ATP11C: variants seen among roughly 807,000 people sequenced by gnomAD.
The protein encoded by ATP11C is ATPase phospholipid transporting 11C (ATP11C blood group).
In ATP11C, 36 loss-of-function variants were observed where a neutral mutation model predicts 97.4. That is an observed-to-expected ratio of 0.37 (90% CI 0.28 to 0.49). The LOEUF is 0.49. Ranked by LOEUF, ATP11C falls within the 20% of genes least tolerant of loss-of-function variation. The pLI, the probability that ATP11C is intolerant of heterozygous loss-of-function variation, is 0.98. For synonymous variants in ATP11C, 275 were observed against 290.9 expected, an observed-to-expected ratio of 0.95 and a Z score of 0.56; for missense variants, 730 against 824.6, an observed-to-expected ratio of 0.89 and a Z score of 1.40.
Position 139,802,289 on chromosome X carries a change from G to C in ATP11C, c.606C>G (p.Ile202Met). ...DTIALCTAES[I>M]DTLRAAIECE... The stretch of plus-strand genomic sequence containing the variant: ...ATTCAATTGCTGCTCGGAGGGTATC[G>C]ATGGATTCTGCTGTACACAGTGCAA... Residue 202 changes from isoleucine (I) to methionine (M), a missense_variant, in exon 7 of 30, where the codon ATC becomes ATG. Coordinates refer to ENST00000682941, the MANE Select transcript of ATP11C (RefSeq NM_001353812.2). 1.2e-5 allele frequency: 14 copies of C among 1,208,149 alleles called. No homozygotes were observed. The highest frequency in any genetic ancestry group is 1.6e-5 in the Non-Finnish European group (14 of 892,251).
At chrX:139,776,822 C>A (rs2082357941) in intron 18 of ATP11C, among the ~76,000 whole-genome samples, 1 of 111,576 alleles carries the variant, frequency 9.0e-6, no homozygotes, top group Non-Finnish European at 1.9e-5. Flanking sequence ...CTTAGCCCTG[C>A]GGGAGGCAGT....
intron 1 of ATP11C, among the ~76,000 whole-genome samples, chrX:139,837,292 C>T (rs1004153116): frequency 9.0e-6 from 1 of 111,638 alleles, no homozygotes; most frequent in East Asian, 2.8e-4. Flanking sequence ...AATTTACAGC[C>T]AACATTAAAA....
chrX:139,925,153 T>A (rs985300348), intron 1 of ATP11C, among the ~76,000 whole-genome samples: 2 of 112,187 alleles, frequency 1.8e-5, no homozygotes, highest in Non-Finnish European at 3.8e-5. Context: ...ATATTATATA[T>A]TGCTGTTCTC....
At chrX:139,757,944 C>T (rs1255779373) in intron 22 of ATP11C, 77 bp from the exon 23 acceptor site, 3 of 629,467 alleles carry the variant, frequency 4.8e-6, no homozygotes, top group Non-Finnish European at 7.3e-6. Context: ...AAACTATATT[C>T]CAAATAGTTT....
chrX:139,907,764 AAAAAG>A (rs2085006576), intron 1 of ATP11C, among the ~76,000 whole-genome samples: 1 of 109,471 alleles, frequency 9.1e-6, no homozygotes, highest in Non-Finnish European at 1.9e-5. Flanking sequence ...AAAAGAAAAG[AAAAAG>A]AAAAGAGACT....
At chrX:139,849,427 A>G (rs1335255425) in intron 1 of ATP11C, among the ~76,000 whole-genome samples, 1 of 111,689 alleles carries the variant, frequency 9.0e-6, no homozygotes, top group Non-Finnish European at 1.9e-5. Context: ...TATAGGCCCA[A>G]TGTAAAGTGG....
At chrX:139,908,911 A>G (rs2085024924) in intron 1 of ATP11C, among the ~76,000 whole-genome samples, 1 of 112,077 alleles carries the variant, frequency 8.9e-6, no homozygotes, top group Non-Finnish European at 1.9e-5. Context: ...AATGATTATT[A>G]TACTTTAGGA....
intron 1 of ATP11C, among the ~76,000 whole-genome samples, chrX:139,911,644 A>G (rs193036177): frequency 1.8e-5 from 2 of 111,069 alleles, no homozygotes; most frequent in Non-Finnish European, 3.8e-5. Context: ...GTTTCTATGT[A>G]TATGCAAATC....
At chrX:139,790,464 T>A (rs774769798) in intron 12 of ATP11C, among the ~76,000 whole-genome samples, 4 of 99,209 alleles carry the variant, frequency 4.0e-5, no homozygotes, top group South Asian at 4.6e-4. Flanking sequence ...TCTCTCTCAC[T>A]CACACACACA....
At chrX:139,923,304 C>T (rs1247422265) in intron 1 of ATP11C, among the ~76,000 whole-genome samples, 3 of 111,810 alleles carry the variant, frequency 2.7e-5, no homozygotes, top group Admixed American at 9.5e-5. Context: ...CTCCATAAAG[C>T]TCTCCCCAAG....
chrX:139,816,568 G>A (rs1317244160), intron 4 of ATP11C, among the ~76,000 whole-genome samples: 3 of 111,709 alleles, frequency 2.7e-5, no homozygotes, highest in Admixed American at 9.5e-5. Flanking sequence ...GACATACCAC[G>A]CTGAAACAAT....
At chrX:139,762,138 T>C in intron 21 of ATP11C, 32 bp from the exon 22 acceptor site, 2 of 1,066,424 alleles carry the variant, frequency 1.9e-6, no homozygotes, top group South Asian at 2.6e-5. Flanking sequence ...TGGTGAGCAT[T>C]TTCTAGAATA....
chrX:139,910,592 T>C (rs1469699342), intron 1 of ATP11C, among the ~76,000 whole-genome samples: 2 of 102,951 alleles, frequency 1.9e-5, no homozygotes, highest in Non-Finnish European at 3.9e-5. Context: ...GGTGACAGAG[T>C]GAGACTCTGT....
intron 18 of ATP11C, among the ~76,000 whole-genome samples, chrX:139,778,718 T>C (rs1345257072): frequency 9.0e-6 from 1 of 111,080 alleles, no homozygotes; most frequent in Non-Finnish European, 1.9e-5. Context: ...TAGTCCCAGC[T>C]ACTCAGGAGG....
chrX:139,899,683 T>C (rs1357072227), intron 1 of ATP11C, among the ~76,000 whole-genome samples: 1 of 111,727 alleles, frequency 9.0e-6, no homozygotes, highest in Admixed American at 9.6e-5. Flanking sequence ...ATATGGAAAC[T>C]ACACGATCTT....
chrX:139,821,049 G>C (rs1440263346), intron 2 of ATP11C, among the ~76,000 whole-genome samples: 1 of 110,796 alleles, frequency 9.0e-6, no homozygotes. Context: ...AAGTTGTAGA[G>C]CACGACATAC....
intron 24 of ATP11C, 40 bp downstream of exon 24, chrX:139,749,985 C>A (rs41300305): frequency 0.019 from 21,403 of 1,141,510 alleles, 174 homozygotes; most frequent in Non-Finnish European, 0.022. Flanking sequence ...AATCACAACA[C>A]TGAAAGTCTT....
In ATP11C at chrX:139,792,397, C is replaced by A. The variant is rs371287121; in HGVS notation, c.1207-2909G>T. Among the ~76,000 whole-genome samples the A allele has an allele frequency of 8.1e-5, 9 of 110,850 alleles. No individual in the cohort carries two copies. In the East Asian group the frequency reaches 1.7e-3, roughly 21 times the overall value. On this transcript the variant is annotated intron_variant, in intron 12 of 29. Coordinates refer to ENST00000682941, the MANE Select transcript of ATP11C (RefSeq NM_001353812.2). ...TGACTGTTTCCCTGAGTTTTATGAC[C>A]TGCTCTAGTAAACTAATCAAATCCA...
Position 139,768,489 on chromosome X carries a change from T to A in ATP11C, c.2217-55A>T, listed in dbSNP as rs753811091. ...ATTTATTACAGATTTCTGTTTAGGA[T>A]CCAGATTTTTTTTTTAAACAACAAA... is the stretch of plus-strand genomic sequence containing the variant. On this transcript the variant is annotated intron_variant, in intron 19 of 29. Transcript: ENST00000682941. 5.3e-6 allele frequency: 5 copies of A among 938,297 alleles called. No individual in the cohort carries two copies. The East Asian group carries it at 1.8e-4, about 34-fold the overall frequency. The allele number at this position is 938,297 out of a possible 1,213,427, so 77.3% of individuals were successfully genotyped here. A position where few individuals can be genotyped will look rare whatever the true frequency, so the allele number is the denominator to read the frequency against.
Sources: allele counts gnomAD v4.1 joint callset (sites outside exome capture counted in the v4.1 genomes callset), GRCh38; gene constraint gnomAD v4.1.1; transcripts MANE v1.5; gene names NCBI Gene and HGNC (gene_info 2026-07-23, HGNC 2026-07-21).